Variants in C4BPB observed in about 807,000 individuals in gnomAD.
C4BPB encodes C4b-binding protein beta chain.
Under a neutral mutation model 26.6 loss-of-function variants are expected in C4BPB, and 19 were observed. The observed-to-expected ratio is 0.71, with a 90% CI of 0.50 to 1.05. C4BPB has a LOEUF of 1.05. C4BPB is among the 50% of genes least tolerant of loss of function. The probability of loss-of-function intolerance (pLI) is 0.00; values close to 1 mark genes in which losing one functional copy is unlikely to be tolerated. For missense variants in C4BPB, 282 were observed against 302.9 expected, an observed-to-expected ratio of 0.93 and a Z score of 0.51; for synonymous variants, 118 against 103.5, an observed-to-expected ratio of 1.14 and a Z score of -0.85.
At chr1:207,093,374 G>T (rs11120192) in intron 4 of C4BPB, among the ~76,000 whole-genome samples, 59,560 of 151,614 alleles carry the variant, frequency 0.39, 14,299 homozygotes, top group East Asian at 0.76. Context: ...GGATCAAAGG[G>T]AAAGGAATAC....
At position 207,091,668 on chromosome 1, in the gene C4BPB, T is replaced by G. The variant is rs1209680378; in HGVS notation, c.257T>G (p.Leu86Arg). Residue 86 changes from leucine to arginine, a missense_variant, in exon 4 of 7, where the codon CTG becomes CGG. Transcript: ENST00000367078. ...CRLGHCPDPV[L>R]VNGEFSSSGP... ...GTGGGCCACTGTCCTGATCCTGTGC[T>G]GGTGAATGGAGAGTTCAGTTCTTCA... 1 of 1,613,862 alleles carries G rather than the reference T, an allele frequency of 6.2e-7. No homozygotes were observed. The highest frequency in any genetic ancestry group is 8.5e-7 in the Non-Finnish European group (1 of 1,179,952).
At chr1:207,093,373 G>T (rs11120191) in intron 4 of C4BPB, among the ~76,000 whole-genome samples, 59,556 of 151,600 alleles carry the variant, frequency 0.39, 14,298 homozygotes, top group East Asian at 0.76. Context: ...TGGATCAAAG[G>T]GAAAGGAATA....
At position 207,096,681 on chromosome 1, in the gene C4BPB, C is replaced by A. The variant is rs1262405162; in HGVS notation, c.503+66C>A. 3 of 870,466 alleles carry A rather than the reference C, an allele frequency of 3.4e-6. No homozygotes were observed. The South Asian group carries it at 4.7e-5, about 14-fold the overall frequency. 53.9% of individuals were successfully genotyped at this position (870,466 alleles called of 1,614,324 possible). A position where few individuals can be genotyped will look rare whatever the true frequency, so the allele number is the denominator to read the frequency against. ...TGGCAGCATTGTTTTGGGGAATAAC[C>A]CAGTCTGTGTCCACCTGGTCATCTG... On this transcript the variant is annotated intron_variant, in intron 5 of 6. Coordinates refer to ENST00000367078, the MANE Select transcript of C4BPB (RefSeq NM_001017365.3).
chr1:207,095,302 C>T (rs1047792783), intron 4 of C4BPB: 16 of 456,488 alleles, frequency 3.5e-5, no homozygotes, highest in Non-Finnish European at 5.7e-5. Flanking sequence ...TCCACAGACT[C>T]GTCCTCTTCC....
At chr1:207,090,762 G>T (rs537858253) in intron 3 of C4BPB, among the ~76,000 whole-genome samples, 1 of 152,104 alleles carries the variant, frequency 6.6e-6, no homozygotes, top group African/African-American at 2.4e-5. Flanking sequence ...GCTATAATTT[G>T]TTTAACCTTA....
At chr1:207,092,403 T>A (rs1684066185) in intron 4 of C4BPB, among the ~76,000 whole-genome samples, 1 of 152,184 alleles carries the variant, frequency 6.6e-6, no homozygotes, top group Non-Finnish European at 1.5e-5. Context: ...GGACTTGCTA[T>A]ACATATTTTT....
rs760739245 is a variant in C4BPB at position 207,091,837 on chromosome 1, C to T, written c.409+17C>T. On this transcript the variant is annotated intron_variant, in intron 4 of 6. Transcript: ENST00000367078. ...GCAAAAGTAGTAAGTACAAGAGAAA[C>T]CATCAAGGATCCCCAAAATACTGAT... is the stretch of plus-strand genomic sequence containing the variant. 3.1e-6 allele frequency: 5 copies of T among 1,594,996 alleles called. No individual in the cohort carries two copies. The South Asian group carries it at 5.7e-5, about 18-fold the overall frequency.
At chr1:207,096,201 A>G (rs1273687839) in intron 4 of C4BPB, 1 of 314,056 alleles carries the variant, frequency 3.2e-6, no homozygotes, top group Non-Finnish European at 6.0e-6. Context: ...CTTTTCTTGT[A>G]CATTAACAAT....
intron 3 of C4BPB, 39 bp downstream of exon 3, chr1:207,090,520 T>A (rs774748989): frequency 6.5e-7 from 1 of 1,545,208 alleles, no homozygotes; most frequent in South Asian, 1.2e-5. Context: ...CATATTGATA[T>A]CCTGTTTTAC....
At position 207,093,425 on chromosome 1, in the gene C4BPB, G is replaced by A. The variant is rs541010470; in HGVS notation, c.409+1605G>A. 2.6e-5 allele frequency among the ~76,000 whole-genome samples: 4 copies of A among 152,252 alleles called. No individual in the cohort carries two copies. The South Asian group carries it at 8.3e-4, about 32-fold the overall frequency. ...GTAAAAAATACTACAAAGTTACTAT[G>A]AGCACAATATGGCAAACTGTAGGTA... On this transcript the variant is annotated intron_variant, in intron 4 of 6. Transcript: ENST00000367078.
chr1:207,095,016 G>A (rs1684185074), intron 4 of C4BPB: 1 of 258,958 alleles, frequency 3.9e-6, no homozygotes, highest in African/African-American at 2.3e-5. Flanking sequence ...ATCATCTGCT[G>A]TTTTTACTCA....
chr1:207,097,927 TATGGGTTGACTC>T (rs1684323722), intron 5 of C4BPB: 2 of 442,852 alleles, frequency 4.5e-6, no homozygotes, highest in Non-Finnish European at 8.1e-6. Flanking sequence ...CTCTATGTTT[TATGGGTTGACTC>T]ATCACTTGGG....
In C4BPB at chr1:207,099,888, CTG is replaced by C. The variant is rs753143949; in HGVS notation, c.719_720del (p.Leu240ArgfsTer6). Reference protein sequence around the residue: ...GMTMEELKYSLELKKAELKAK... With the variant: ...GMTMEELKYSXELKKAELKAK... ...GACAATGGAGGAGCTAAAATATTCT[CTG>C]GAGCTGAAGAAAGCTGAGTTGAAGG... On this transcript the variant is annotated frameshift_variant, in exon 7 of 7. Coordinates refer to ENST00000367078, the MANE Select transcript of C4BPB (RefSeq NM_001017365.3). LOFTEE classifies it high-confidence loss of function. The C allele has an allele frequency of 5.0e-6, 8 of 1,613,650 alleles. No homozygotes were observed. Among genetic ancestry groups the C allele is most frequent in the Non-Finnish European group, 6.8e-6 (8 of 1,179,718 alleles).
intron 4 of C4BPB, 166 bp from the exon 5 acceptor site, chr1:207,096,356 G>GC (rs1684248249): frequency 1.6e-6 from 1 of 623,662 alleles, no homozygotes; most frequent in Non-Finnish European, 2.9e-6. Flanking sequence ...AATGAATGAA[G>GC]AACAGGTTTC....
intron 6 of C4BPB, among the ~76,000 whole-genome samples, chr1:207,098,633 A>G (rs1315323852): frequency 1.3e-5 from 2 of 152,166 alleles, no homozygotes; most frequent in Non-Finnish European, 2.9e-5. Flanking sequence ...GATGATTCAG[A>G]TGCATTACAT....
chr1:207,096,909 C>A (rs1378048943), intron 5 of C4BPB, among the ~76,000 whole-genome samples: 1 of 152,228 alleles, frequency 6.6e-6, no homozygotes, highest in Non-Finnish European at 1.5e-5. Flanking sequence ...TGATGGCTCA[C>A]ACCTGTAATC....
At chr1:207,098,901 C>T (rs943036491) in intron 6 of C4BPB, among the ~76,000 whole-genome samples, 4 of 134,494 alleles carry the variant, frequency 3.0e-5, no homozygotes, top group Admixed American at 1.5e-4. Flanking sequence ...CAGATCATCA[C>T]ACATTAGAAT....
At chr1:207,091,929 A>T (rs1684043829) in intron 4 of C4BPB, 109 bp downstream of exon 4, 1 of 925,220 alleles carries the variant, frequency 1.1e-6, no homozygotes, top group Admixed American at 3.0e-5. Flanking sequence ...TATCAGAGAC[A>T]GGCTTAAGAT....
At chr1:207,098,942 G>A (rs1224650830) in intron 6 of C4BPB, among the ~76,000 whole-genome samples, 1 of 152,100 alleles carries the variant, frequency 6.6e-6, no homozygotes, top group Non-Finnish European at 1.5e-5. Flanking sequence ...GACAGTGACA[G>A]ATCATCAGGC....
Sources: gnomAD v4.1 joint callset for allele counts (sites outside exome capture counted in the v4.1 genomes callset) on GRCh38, gnomAD v4.1.1 for gene constraint, MANE v1.5 for transcripts, NCBI Gene and HGNC (gene_info 2026-07-23, HGNC 2026-07-21) for gene names.